VPS33B: variants seen among roughly 807,000 people sequenced by gnomAD.
VPS33B encodes the protein vacuolar protein sorting-associated protein 33B.
VPS33B carries 80 observed loss-of-function variants against 95.3 expected under a neutral mutation model. The ratio of observed to expected loss-of-function variants is 0.84; its 90% confidence interval spans 0.70 to 1.01. VPS33B has a LOEUF of 1.01. Among genes scored for constraint, VPS33B ranks in the 50% least tolerant of loss-of-function variants. The pLI, the probability that VPS33B is intolerant of heterozygous loss-of-function variation, is 0.00. For synonymous variants in VPS33B, 280 were observed against 280.4 expected (o/e 1.00, Z 0.01); for missense variants, 715 against 773.4 (o/e 0.92, Z 0.90).
At position 91,004,147 on chromosome 15, in the gene VPS33B, T is replaced by C. The variant is rs147442674; in HGVS notation, c.1225+730A>G. 6.0e-3 allele frequency among the ~76,000 whole-genome samples: 904 copies of C among 150,798 alleles called. 12 individuals carry two copies. Among genetic ancestry groups the C allele is most frequent in the African/African-American group, 0.021 (849 of 41,002 alleles). ...GCTGAGGTGAGAAATCGCTTCAACC[T>C]GGGAGGTGGAGGTTGCAGTGAGCCG... On this transcript the variant is annotated intron_variant, in intron 16 of 22. Coordinates refer to ENST00000333371, the MANE Select transcript of VPS33B (RefSeq NM_018668.5).
chr15:91,016,821 C>T, intron 3 of VPS33B, 142 bp downstream of exon 3: 1 of 812,172 alleles, frequency 1.2e-6, no homozygotes, highest in Non-Finnish European at 2.1e-6. Context: ...CAAAACAAAA[C>T]AACAGAAGAT....
chr15:91,001,323 A>AG, intron 19 of VPS33B, 66 bp downstream of exon 19: 1 of 1,331,186 alleles, frequency 7.5e-7, no homozygotes, highest in East Asian at 2.3e-5. Flanking sequence ...AAAAAAAAAA[A>AG]AAAAGAAAAG....
rs986615562 is a variant in VPS33B, at chr15:90,998,958, A to G, written c.*17T>C. The stretch of plus-strand genomic sequence containing the variant: ...GAATGTGTTCAGGGAAGATGTCAAC[A>G]CTGGCCGGGAAAAACATCAGGCTTT... On this transcript the variant is annotated 3_prime_UTR_variant, in exon 23 of 23. Coordinates refer to ENST00000333371, the MANE Select transcript of VPS33B (RefSeq NM_018668.5). The surrounding 1 kb of genome is among the most constrained non-coding windows in gnomAD (Gnocchi z 4.8). The G allele has an allele frequency of 3.7e-6, 6 of 1,613,814 alleles. No individual in the cohort carries two copies. Among genetic ancestry groups the G allele is most frequent in the East Asian group, 2.2e-5 (1 of 44,888 alleles).
Position 91,002,103 on chromosome 15 carries a change from G to T in VPS33B, c.1352C>A (p.Thr451Asn), listed in dbSNP as rs2040455358. The change falls in exon 18 of 23, where the codon ACC becomes AAC. Residue 451 changes from threonine to asparagine, a missense_variant. Thr to Asn is a moderately conservative substitution (Grantham distance 65, BLOSUM62 0). Transcript: ENST00000333371. This position sits in a 1 kb window ranked among gnomAD's most constrained non-coding sequence, Gnocchi z 4.7. ...CACTTTACTCTCCACGGCTGTGAGG[G>T]TGTCCCCGGGGGCCTGCTCCGTTAG... is the stretch of plus-strand genomic sequence containing the variant. ...GLLTEQAPGDTLTAVESKVSK... is the reference protein window; with the variant it reads ...GLLTEQAPGDNLTAVESKVSK... 6.2e-7 allele frequency: 1 copy of T among 1,614,156 alleles called. No homozygotes were observed. Among genetic ancestry groups the T allele is most frequent in the Non-Finnish European group, 8.5e-7 (1 of 1,180,030 alleles).
chr15:91,008,348 T>C (rs2040676723), intron 6 of VPS33B, among the ~76,000 whole-genome samples: 1 of 152,214 alleles, frequency 6.6e-6, no homozygotes, highest in Non-Finnish European at 1.5e-5. Flanking sequence ...CACTGCAACC[T>C]CCGCCTCCTG....
At position 91,005,144 on chromosome 15, in the gene VPS33B, G is replaced by A. The variant is rs771870474; in HGVS notation, c.1106-25C>T. On this transcript the variant is annotated intron_variant, in intron 14 of 22. Coordinates refer to ENST00000333371, the MANE Select transcript of VPS33B (RefSeq NM_018668.5). The surrounding 1 kb of genome is among the most constrained non-coding windows in gnomAD (Gnocchi z 6.4). ...GCTGTGAGTAATCAGAGGAGAGCCT[G>A]TTACTGGGGGCCAGCTCAGCTGCTG... 3 of 1,614,010 alleles carry A rather than the reference G, an allele frequency of 1.9e-6. No individual in the cohort carries two copies. Among genetic ancestry groups the A allele is most frequent in the Admixed American group, 1.7e-5 (1 of 60,000 alleles).
At position 91,009,746 on chromosome 15, in the gene VPS33B, G is replaced by A; in HGVS notation, c.403+55C>T. The A allele has an allele frequency of 6.2e-7, 1 of 1,605,564 alleles. No individual in the cohort carries two copies. The highest frequency in any genetic ancestry group is 8.5e-7 in the Non-Finnish European group (1 of 1,172,742). On this transcript the variant is annotated intron_variant, in intron 6 of 22. Coordinates refer to ENST00000333371, the MANE Select transcript of VPS33B (RefSeq NM_018668.5). This position sits in a 1 kb window ranked among gnomAD's most constrained non-coding sequence, Gnocchi z 4.1. ...GTGGGGGGGTTGGAGAACAACAACAGTTTTTTCTTCTGTATGTTCTCTTTC... is the reference window on the plus strand; with the variant it reads ...GTGGGGGGGTTGGAGAACAACAACAATTTTTTCTTCTGTATGTTCTCTTTC...
At position 91,009,495 on chromosome 15, in the gene VPS33B, T is replaced by C. The variant is rs958763097; in HGVS notation, c.403+306A>G. On this transcript the variant is annotated intron_variant, in intron 6 of 22. Coordinates refer to ENST00000333371, the MANE Select transcript of VPS33B (RefSeq NM_018668.5). This position sits in a 1 kb window ranked among gnomAD's most constrained non-coding sequence, Gnocchi z 4.1. Reference sequence around the variant, plus strand: ...CTAATTATTGTATTTTTAGTAGAGATGGGGTTTCACCATGTTGCCCAGGCT... The same window carrying C: ...CTAATTATTGTATTTTTAGTAGAGACGGGGTTTCACCATGTTGCCCAGGCT... Among the ~76,000 whole-genome samples, 11 of 152,020 alleles carry C rather than the reference T, an allele frequency of 7.2e-5. No homozygotes were observed. The highest frequency in any genetic ancestry group is 1.3e-4 in the Non-Finnish European group (9 of 67,996).
In VPS33B at chr15:91,015,106, C is replaced by T. The variant is rs940942057; in HGVS notation, c.240-673G>A. On this transcript the variant is annotated intron_variant, in intron 3 of 22. Coordinates refer to ENST00000333371, the MANE Select transcript of VPS33B (RefSeq NM_018668.5). This position sits in a 1 kb window ranked among gnomAD's most constrained non-coding sequence, Gnocchi z 4.7. ...ATCCCAGCACTTTGGGAGGCAGAGG[C>T]GGGTGGATCACCTGAGGTCAGGAGT... Among the ~76,000 whole-genome samples the T allele has an allele frequency of 5.3e-5, 8 of 151,872 alleles. No individual in the cohort carries two copies. The highest frequency in any genetic ancestry group is 2.1e-4 in the South Asian group (1 of 4,796).
chr15:91,016,375 CTTTTT>C (rs796637381), intron 3 of VPS33B, among the ~76,000 whole-genome samples: 2,033 of 95,870 alleles, frequency 0.021, 27 homozygotes, highest in African/African-American at 0.083. Context: ...GCAGATTCTT[CTTTTT>C]TTTTTTTTTT....
chr15:90,998,933 G>T lies in VPS33B; in HGVS notation c.*42C>A. The T allele has an allele frequency of 6.2e-7, 1 of 1,606,848 alleles. No homozygotes were observed. Among genetic ancestry groups the T allele is most frequent in the South Asian group, 1.1e-5 (1 of 89,990 alleles). ...TGCCAGATGCCTGCATCTCACTGAG[G>T]AATGTGTTCAGGGAAGATGTCAACA... On this transcript the variant is annotated 3_prime_UTR_variant, in exon 23 of 23. Transcript: ENST00000333371. This position sits in a 1 kb window ranked among gnomAD's most constrained non-coding sequence, Gnocchi z 4.8.
In VPS33B at chr15:91,006,952, C is replaced by G; in HGVS notation, c.698G>C (p.Arg233Thr). Reference sequence around the variant, plus strand: ...CAGGAACGCTGGGCATAATTTACCTCTGTCCAAGAGAAAGATATGTCCAAT... The same window carrying G: ...CAGGAACGCTGGGCATAATTTACCTGTGTCCAAGAGAAAGATATGTCCAAT... ...PEIGHIFLLD[R>T]DVDFVTALCS... is the part of the protein sequence containing the mutation. Residue 233 changes from arginine to threonine, a missense_variant and splice_region_variant, in exon 9 of 23, where the codon AGA (arginine) becomes ACA (threonine). Coordinates refer to ENST00000333371, the MANE Select transcript of VPS33B (RefSeq NM_018668.5). The surrounding 1 kb of genome is among the most constrained non-coding windows in gnomAD (Gnocchi z 5.4). 2 of 1,614,178 alleles carry G rather than the reference C, an allele frequency of 1.2e-6. No homozygotes were observed. The highest frequency in any genetic ancestry group is 1.1e-5 in the South Asian group (1 of 91,084).
intron 1 of VPS33B, among the ~76,000 whole-genome samples, chr15:91,021,019 T>A (rs944648569): frequency 3.3e-5 from 5 of 152,240 alleles, no homozygotes; most frequent in African/African-American, 1.2e-4. Context: ...ACAAGCTATA[T>A]TTCTTACGGG....
Position 91,013,920 on chromosome 15 carries a change from G to A in VPS33B, c.290-49C>T. The A allele has an allele frequency of 6.2e-7, 1 of 1,605,608 alleles. No individual in the cohort carries two copies. Reference sequence around the variant, plus strand: ...CAGCAAGTCATGGGCCATCTGTTATGCTAGAAACAGGGAAGCTGCCGGGCA... The same window carrying A: ...CAGCAAGTCATGGGCCATCTGTTATACTAGAAACAGGGAAGCTGCCGGGCA... On this transcript the variant is annotated intron_variant, in intron 4 of 22. Transcript: ENST00000333371. This position sits in a 1 kb window ranked among gnomAD's most constrained non-coding sequence, Gnocchi z 4.5.
chr15:91,019,356 G>A (rs1173297317), intron 1 of VPS33B, among the ~76,000 whole-genome samples: 1 of 149,834 alleles, frequency 6.7e-6, no homozygotes, highest in Non-Finnish European at 1.5e-5. Flanking sequence ...GACCTCCTCA[G>A]GTGATCCACC....
In VPS33B at chr15:91,010,671, C is replaced by G. The variant is rs1415613284; in HGVS notation, c.358-825G>C. Among the ~76,000 whole-genome samples the G allele has an allele frequency of 6.6e-6, 1 of 152,012 alleles. No homozygotes were observed. The highest frequency in any genetic ancestry group is 1.5e-5 in the Non-Finnish European group (1 of 68,002). ...GCAGAGGAGAGCTAAGGACAGGACT[C>G]TAGGGAACACAAGATGAAAGGGGGC... On this transcript the variant is annotated intron_variant, in intron 5 of 22. Transcript: ENST00000333371. This position sits in a 1 kb window ranked among gnomAD's most constrained non-coding sequence, Gnocchi z 5.7.
rs1196342112 is a variant in VPS33B, at chr15:91,005,166, G to A, written c.1106-47C>T. The A allele has an allele frequency of 2.5e-6, 4 of 1,613,936 alleles. No individual in the cohort carries two copies. The African/African-American group carries it at 4.0e-5, about 16-fold the overall frequency. On this transcript the variant is annotated intron_variant, in intron 14 of 22. Coordinates refer to ENST00000333371, the MANE Select transcript of VPS33B (RefSeq NM_018668.5). The surrounding 1 kb of genome is among the most constrained non-coding windows in gnomAD (Gnocchi z 6.4). ...CCTGTTACTGGGGGCCAGCTCAGCT[G>A]CTGCCATCTATGCTAACAGGTGTCT...
Position 91,012,021 on chromosome 15 carries a change from A to AAAACAAAACC in VPS33B, c.357+1782_357+1783insGGTTTTGTTT, listed in dbSNP as rs557919280. On this transcript the variant is annotated intron_variant, in intron 5 of 22. Transcript: ENST00000333371. ...AAAACAAAACAAAACAAAACAAAAC[A>AAAACAAAACC]AGACAAGACAAAACACCAAAGCTGT... is the stretch of plus-strand genomic sequence containing the variant. Among the ~76,000 whole-genome samples, 23 of 149,976 alleles carry AAAACAAAACC rather than the reference A, an allele frequency of 1.5e-4. 1 individual carries two copies. Among genetic ancestry groups the AAAACAAAACC allele is most frequent in the African/African-American group, 5.7e-4 (23 of 40,298 alleles).
rs77477989 is a variant in VPS33B, at chr15:91,013,707, G to T, written c.357+97C>A. The T allele has an allele frequency of 0.086, 111,110 of 1,296,158 alleles. 5,446 individuals carry two copies. Among genetic ancestry groups the T allele is most frequent in the South Asian group, 0.13 (11,220 of 84,414 alleles). The allele number at this position is 1,296,158 out of a possible 1,614,324, so 80.3% of individuals were successfully genotyped here. ...GTATTCTGTTACAGCAACAGAAAAC[G>T]AACGGAGACAGGGAGGTAGTGCTGT... On this transcript the variant is annotated intron_variant, in intron 5 of 22. Coordinates refer to ENST00000333371, the MANE Select transcript of VPS33B (RefSeq NM_018668.5). The surrounding 1 kb of genome is among the most constrained non-coding windows in gnomAD (Gnocchi z 4.5).
Sources: gnomAD v4.1 joint callset for allele counts (sites outside exome capture counted in the v4.1 genomes callset) on GRCh38, gnomAD v4.1.1 for gene constraint, Gnocchi (gnomAD v3.1) non-coding constraint, MANE v1.5 for transcripts, NCBI Gene and HGNC (gene_info 2026-07-23, HGNC 2026-07-21) for gene names.